The following WDR70 variants were observed in gnomAD, a reference collection of about 807,000 sequenced individuals.
WDR70 encodes WD repeat domain 70.
In WDR70, 53 loss-of-function variants were observed where a neutral mutation model predicts 88.6. The ratio of observed to expected loss-of-function variants is 0.60; its 90% CI spans 0.48 to 0.75. The LOEUF (loss-of-function observed/expected upper bound fraction) is 0.75, where lower values mean the gene tolerates loss of function less well. WDR70 is among the 30% of genes least tolerant of loss of function. WDR70 has a pLI of 0.00. For missense variants in WDR70, 610 were observed against 823.2 expected (o/e 0.74, Z 3.17); for synonymous variants, 280 against 270.0 (o/e 1.04, Z -0.36).
intron 17 of WDR70, among the ~76,000 whole-genome samples, chr5:37,727,581 A>C (rs1388241516): frequency 1.3e-5 from 2 of 151,954 alleles, no homozygotes; most frequent in African/African-American, 4.8e-5. Context: ...TTTTATTTTT[A>C]TTTATTTATT....
chr5:37,532,806 A>G (rs1215367930), intron 9 of WDR70, among the ~76,000 whole-genome samples: 7 of 152,094 alleles, frequency 4.6e-5, no homozygotes, highest in Non-Finnish European at 1.5e-5. Flanking sequence ...CTGGTGAGCT[A>G]GTATGATCTT....
rs556021116 is a variant in WDR70 at position 37,592,954 on chromosome 5, A to G, written c.918-12110A>G. On this transcript the variant is annotated intron_variant, in intron 9 of 17. Coordinates refer to ENST00000265107, the MANE Select transcript of WDR70 (RefSeq NM_018034.4). ...AGGATTGCTTGAGGCAAAGAGTTCC[A>G]GACCAGTCTGGGTAACATATAGTGA... Among the ~76,000 whole-genome samples the G allele has an allele frequency of 2.0e-5, 3 of 152,366 alleles. No individual in the cohort carries two copies. The East Asian group carries it at 5.8e-4, about 29-fold the overall frequency.
chr5:37,737,555 G>C (rs13183279), intron 17 of WDR70, among the ~76,000 whole-genome samples: 138 of 152,288 alleles, frequency 9.1e-4, no homozygotes, highest in Non-Finnish European at 1.5e-3. Context: ...CTTCACTGAG[G>C]CTGTTTTCCT....
At chr5:37,752,395 A>G (rs2973079) in intron 17 of WDR70, 91 bp from the exon 18 acceptor site, 821,290 of 839,824 alleles carry the variant, frequency 0.98, 403,788 homozygotes, top group East Asian at 1. Context: ...TATTCCCCAC[A>G]TTTGCTCCCA....
chr5:37,660,535 C>A (rs1177892118), intron 10 of WDR70, among the ~76,000 whole-genome samples: 1 of 151,476 alleles, frequency 6.6e-6, no homozygotes, highest in Non-Finnish European at 1.5e-5. Context: ...TTGACCCTTT[C>A]ATCATTATGT....
chr5:37,493,302 G>A (rs984809834), intron 8 of WDR70, among the ~76,000 whole-genome samples: 1 of 152,042 alleles, frequency 6.6e-6, no homozygotes, highest in Non-Finnish European at 1.5e-5. Flanking sequence ...AAGACTGCAC[G>A]CTACTAGGTC....
intron 9 of WDR70, among the ~76,000 whole-genome samples, chr5:37,589,424 GT>G (rs1743463691): frequency 1.3e-5 from 2 of 151,934 alleles, no homozygotes; most frequent in Non-Finnish European, 2.9e-5. Flanking sequence ...TTGACATCTG[GT>G]ACAGGATTTT....
chr5:37,479,888 A>G lies in WDR70; in HGVS notation c.741A>G (p.Val247=), dbSNP rs1406128343. Reference sequence around the variant, plus strand: ...ACACAGGAGACATGATTCTTGTTGTATCTGGAAGCTCTCAGGCCAAGGTGA... The same window carrying G: ...ACACAGGAGACATGATTCTTGTTGTGTCTGGAAGCTCTCAGGCCAAGGTGA... The part of the protein sequence containing the change: ...YSNTGDMILV[V]SGSSQAKVID... The change falls in exon 8 of 18, where the codon GTA becomes GTG. Residue 247 remains valine, a synonymous_variant. Transcript: ENST00000265107. The G allele has an allele frequency of 6.2e-7, 1 of 1,614,166 alleles. No individual in the cohort carries two copies. Among genetic ancestry groups the G allele is most frequent in the Admixed American group, 1.7e-5 (1 of 60,032 alleles).
chr5:37,719,349 AC>A (rs540373790), intron 13 of WDR70, among the ~76,000 whole-genome samples: 5,911 of 129,048 alleles, frequency 0.046, 140 homozygotes, highest in Middle Eastern at 0.12. Context: ...AGCAACAACA[AC>A]CCCCCCCCCA....
chr5:37,516,280 C>T (rs1740880805), intron 8 of WDR70, among the ~76,000 whole-genome samples: 1 of 152,144 alleles, frequency 6.6e-6, no homozygotes, highest in Admixed American at 6.5e-5. Context: ...TACATACAAG[C>T]ACTGAGTTAA....
At chr5:37,670,023 A>T (rs1745978542) in intron 10 of WDR70, among the ~76,000 whole-genome samples, 1 of 152,144 alleles carries the variant, frequency 6.6e-6, no homozygotes, top group African/African-American at 2.4e-5. Context: ...TATTAAGAAA[A>T]AAAAGGGAGT....
At chr5:37,558,976 G>T (rs993851855) in intron 9 of WDR70, among the ~76,000 whole-genome samples, 1 of 151,250 alleles carries the variant, frequency 6.6e-6, no homozygotes, top group African/African-American at 2.4e-5. Flanking sequence ...CCGTCGCCTG[G>T]GCTGGAGAGT....
At chr5:37,488,299 C>T (rs1477619615) in intron 8 of WDR70, among the ~76,000 whole-genome samples, 4 of 151,310 alleles carry the variant, frequency 2.6e-5, no homozygotes, top group African/African-American at 9.7e-5. Flanking sequence ...TGGGTTGTAT[C>T]TATATGGGAA....
chr5:37,523,577 C>A (rs980473129), intron 9 of WDR70, among the ~76,000 whole-genome samples: 7 of 152,304 alleles, frequency 4.6e-5, no homozygotes, highest in Middle Eastern at 3.4e-3. Context: ...GAGCGCCTCT[C>A]CCCCTCCAAA....
At chr5:37,716,334 T>C (rs1747654917) in intron 13 of WDR70, among the ~76,000 whole-genome samples, 1 of 152,236 alleles carries the variant, frequency 6.6e-6, no homozygotes, top group Non-Finnish European at 1.5e-5. Flanking sequence ...ATTTCTTTTA[T>C]AGTAACATTT....
intron 7 of WDR70, among the ~76,000 whole-genome samples, chr5:37,475,852 T>A (rs967807826): frequency 1.1e-4 from 16 of 150,188 alleles, no homozygotes; most frequent in African/African-American, 3.9e-4. Context: ...TATTTTTTTT[T>A]TTTTTTTTTG....
At chr5:37,743,361 A>T (rs1748542054) in intron 17 of WDR70, among the ~76,000 whole-genome samples, 1 of 152,200 alleles carries the variant, frequency 6.6e-6, no homozygotes, top group Non-Finnish European at 1.5e-5. Context: ...GAATGTGCAG[A>T]TGTGCAGATT....
intron 9 of WDR70, among the ~76,000 whole-genome samples, chr5:37,542,702 C>T (rs941041811): frequency 2.0e-5 from 3 of 152,086 alleles, no homozygotes; most frequent in African/African-American, 7.2e-5. Flanking sequence ...ATTTGTGAAC[C>T]TTGATCTCAT....
At chr5:37,711,339 C>T (rs1747505773) in intron 13 of WDR70, among the ~76,000 whole-genome samples, 1 of 152,190 alleles carries the variant, frequency 6.6e-6, no homozygotes. Flanking sequence ...TGCCTACCTG[C>T]ACACTACGAC....
Sources: gnomAD v4.1 joint callset for allele counts (sites outside exome capture counted in the v4.1 genomes callset) on GRCh38, gnomAD v4.1.1 for gene constraint, MANE v1.5 for transcripts, NCBI Gene and HGNC (gene_info 2026-07-23, HGNC 2026-07-21) for gene names.